The following NDUFA5 variants were observed in gnomAD, a reference collection of about 807,000 sequenced individuals.
NDUFA5 encodes the protein NADH:ubiquinone oxidoreductase subunit A5, also known as NADH dehydrogenase [ubiquinone] 1 alpha subcomplex subunit 5.
A neutral mutation model predicts 19.8 loss-of-function variants in NDUFA5; 11 were observed. That is an observed-to-expected ratio of 0.56 (90% CI 0.35 to 0.92). The LOEUF (loss-of-function observed/expected upper bound fraction) is 0.92. NDUFA5 is among the 40% of genes least tolerant of loss of function. NDUFA5 has a pLI of 0.01. For missense variants in NDUFA5, 109 were observed against 134.2 expected (o/e 0.81, Z 0.93); for synonymous variants, 47 against 46.8 (o/e 1.00, Z -0.01).
At chr7:123,555,501 C>A (rs1018321262) in intron 2 of NDUFA5, 5 of 152,164 alleles carry the variant, frequency 3.3e-5, no homozygotes, top group Non-Finnish European at 7.3e-5. Flanking sequence ...GAAATACCAA[C>A]TATGATGTCC....
rs533576534 is a variant in NDUFA5, at chr7:123,540,421, A to C, written c.*1698T>G. 6 of 152,298 alleles carry C rather than the reference A, an allele frequency of 3.9e-5. No individual in the cohort carries two copies. The South Asian group carries it at 1.0e-3, about 26-fold the overall frequency. 9.4% of individuals were successfully genotyped at this position (152,298 alleles called of 1,614,324 possible). A position where few individuals can be genotyped will look rare whatever the true frequency, so the allele number is the denominator to read the frequency against. On this transcript the variant is annotated 3_prime_UTR_variant, in exon 5 of 5. Transcript: ENST00000355749. ...AGATACGGGACTGAAAATATGACAA[A>C]AACACAGCAAGCCATCTTTGTTTCT...
the NDUFA5 span, among the ~76,000 whole-genome samples, chr7:123,599,457 T>C: frequency 8.5e-5 from 13 of 152,190 alleles, no homozygotes; most frequent in African/African-American, 3.1e-4. Flanking sequence ...TGACTAATCA[T>C]AGCAAGAGCT....
the NDUFA5 span, among the ~76,000 whole-genome samples, chr7:123,564,612 T>TTGTGTG: frequency 1.3e-5 from 2 of 151,806 alleles, no homozygotes; most frequent in African/African-American, 4.8e-5. Context: ...ATATATCCTA[T>TTGTGTG]TGTGTGTGTG....
chr7:123,592,229 T>G, the NDUFA5 span, among the ~76,000 whole-genome samples: 1 of 152,178 alleles, frequency 6.6e-6, no homozygotes, highest in Non-Finnish European at 1.5e-5. Flanking sequence ...TCTATTTTGT[T>G]GATCTTTTCA....
At chr7:123,547,958 T>C (rs1041067899) in intron 3 of NDUFA5, among the ~76,000 whole-genome samples, 3 of 152,110 alleles carry the variant, frequency 2.0e-5, no homozygotes, top group Admixed American at 6.6e-5. Flanking sequence ...ACCCACGTTA[T>C]AGATGATGAA....
At chr7:123,552,459 G>T (rs567064306) in intron 2 of NDUFA5, among the ~76,000 whole-genome samples, 2 of 151,754 alleles carry the variant, frequency 1.3e-5, no homozygotes, top group Admixed American at 1.3e-4. Context: ...ACACAGGGAG[G>T]GGAACATCAC....
intron 3 of NDUFA5, among the ~76,000 whole-genome samples, chr7:123,547,926 T>C (rs1050341323): frequency 6.6e-6 from 1 of 152,042 alleles, no homozygotes; most frequent in African/African-American, 2.4e-5. Flanking sequence ...TAACAAAAAG[T>C]GTTCGAGGTG....
upstream of NDUFA5, among the ~76,000 whole-genome samples, chr7:123,559,522 G>T (rs1798659198): frequency 6.6e-6 from 1 of 152,078 alleles, no homozygotes; most frequent in Admixed American, 6.5e-5. Context: ...CTTCAGCCAG[G>T]TGTGGACTCT....
chr7:123,550,134 C>CT (rs1189784478), intron 3 of NDUFA5: 1 of 180,714 alleles, frequency 5.5e-6, no homozygotes, highest in African/African-American at 2.4e-5. Flanking sequence ...TTATTGTTCT[C>CT]TAAGATTAGA....
chr7:123,589,653 T>A, the NDUFA5 span, among the ~76,000 whole-genome samples: 1 of 152,160 alleles, frequency 6.6e-6, no homozygotes, highest in East Asian at 1.9e-4. Flanking sequence ...CATGAACTCA[T>A]CCTTTTTTAT....
At chr7:123,557,505 A>C (rs17146099) in intron 1 of NDUFA5, 57 bp from the exon 2 acceptor site, 112,605 of 1,612,528 alleles carry the variant, frequency 0.07, 4,439 homozygotes, top group Non-Finnish European at 0.08. Flanking sequence ...TACATCCAGC[A>C]CGCTAAGGAA....
At chr7:123,575,725 C>A in the NDUFA5 span, among the ~76,000 whole-genome samples, 1 of 150,934 alleles carries the variant, frequency 6.6e-6, no homozygotes, top group Non-Finnish European at 1.5e-5. Context: ...ACTTAATTAT[C>A]TTGTAAGTGA....
the NDUFA5 span, among the ~76,000 whole-genome samples, chr7:123,580,689 G>A: frequency 6.6e-6 from 1 of 152,040 alleles, no homozygotes; most frequent in Non-Finnish European, 1.5e-5. Flanking sequence ...GGTGAGTGGA[G>A]ATTAAGATGG....
the NDUFA5 span, among the ~76,000 whole-genome samples, chr7:123,588,593 TTCTG>T: frequency 6.6e-6 from 1 of 151,292 alleles, no homozygotes; most frequent in South Asian, 2.1e-4. Context: ...CTTCCTTCCT[TTCTG>T]TCTTTTTTCT....
chr7:123,544,669 C>A (rs1366309840), intron 4 of NDUFA5, among the ~76,000 whole-genome samples: 37 of 139,564 alleles, frequency 2.7e-4, no homozygotes, highest in African/African-American at 8.8e-4. Flanking sequence ...GACTAAATGA[C>A]CCAGTAAAAA....
chr7:123,544,543 G>GA (rs1413830789), intron 4 of NDUFA5, among the ~76,000 whole-genome samples: 4 of 148,862 alleles, frequency 2.7e-5, no homozygotes, highest in Admixed American at 6.7e-5. Flanking sequence ...ACATATGGGG[G>GA]AAAAACCCCA....
At chr7:123,572,577 T>A in the NDUFA5 span, among the ~76,000 whole-genome samples, 2 of 152,140 alleles carry the variant, frequency 1.3e-5, no homozygotes. Flanking sequence ...TGGTTGTTCC[T>A]TATATTGTTA....
rs769532734 is a variant in NDUFA5, at chr7:123,557,636, G to C, written c.21+139C>G. ...GCGGAACCACTAACCTGCCCTACCC[G>C]GTAAGGCATGCAGAACGAGTCCCCG... On this transcript the variant is annotated intron_variant, in intron 1 of 4. Coordinates refer to ENST00000355749, the MANE Select transcript of NDUFA5 (RefSeq NM_005000.5). 6 of 1,613,486 alleles carry C rather than the reference G, an allele frequency of 3.7e-6. No individual in the cohort carries two copies. The South Asian group carries it at 5.5e-5, about 15-fold the overall frequency.
At chr7:123,550,660 G>T in intron 2 of NDUFA5, 74 bp from the exon 3 acceptor site, 8 of 722,052 alleles carry the variant, frequency 1.1e-5, no homozygotes, top group South Asian at 1.9e-5. Context: ...TTGTCTCAAA[G>T]ACAAAACAAA....
Sources: allele counts gnomAD v4.1 joint callset (sites outside exome capture counted in the v4.1 genomes callset), GRCh38; gene constraint gnomAD v4.1.1; transcripts MANE v1.5; gene names NCBI Gene and HGNC (gene_info 2026-07-23, HGNC 2026-07-21).